The following IL17F variants were observed in gnomAD, a reference collection of about 807,000 sequenced individuals.
IL17F encodes interleukin 17F, also known as interleukin-17F.
A neutral mutation model predicts 8.3 loss-of-function variants in IL17F; 6 were observed. The ratio of observed to expected loss-of-function variants is 0.73; its 90% CI spans 0.40 to 1.43. IL17F has a LOEUF of 1.43. IL17F is among the 40% of genes most tolerant of loss of function. IL17F has a pLI of 0.02. For synonymous variants in IL17F, 98 were observed against 81.6 expected (o/e 1.20, Z -1.08); for missense variants, 204 against 209.6 (o/e 0.97, Z 0.17).
At chr6:52,245,520 G>T (rs565055316), upstream of IL17F, among the ~76,000 whole-genome samples, 3 of 152,312 alleles carry the variant, frequency 2.0e-5, no homozygotes, top group African/African-American at 7.2e-5. Flanking sequence ...CAGATGAAAA[G>T]GTACACAGGG....
intron 1 of IL17F, among the ~76,000 whole-genome samples, chr6:52,239,627 A>AT (rs1358361598): frequency 6.6e-6 from 1 of 152,158 alleles, no homozygotes; most frequent in Non-Finnish European, 1.5e-5. Flanking sequence ...CTCAAGCAGC[A>AT]TTTTTTAATT....
intron 1 of IL17F, among the ~76,000 whole-genome samples, chr6:52,240,945 G>A (rs988017106): frequency 6.6e-6 from 1 of 152,022 alleles, no homozygotes; most frequent in Non-Finnish European, 1.5e-5. Flanking sequence ...GAAGAACACT[G>A]GCAGCATATG....
rs757780544 is a variant in IL17F, at chr6:52,238,781, A to T, written c.203T>A (p.Val68Asp). The change falls in exon 2 of 3, where the codon GTT (valine) becomes GAT (aspartate). Residue 68 changes from valine to aspartate, a missense_variant. Val to Asp is a radical substitution (Grantham distance 152). Transcript: ENST00000336123. ...GCTCTCGATGTTACGTGACATGGAA[A>T]CGCGCTGGTTTTCATTGATGATGCC... is the stretch of plus-strand genomic sequence containing the variant. ...DIGIINENQRVSMSRNIESRS... is the reference protein window; with the variant it reads ...DIGIINENQRDSMSRNIESRS... The T allele has an allele frequency of 6.2e-7, 1 of 1,614,152 alleles. No homozygotes were observed. Among genetic ancestry groups the T allele is most frequent in the Non-Finnish European group, 8.5e-7 (1 of 1,180,026 alleles).
chr6:52,237,411 G>A (rs1763984637), intron 2 of IL17F, among the ~76,000 whole-genome samples: 1 of 152,142 alleles, frequency 6.6e-6, no homozygotes, highest in Non-Finnish European at 1.5e-5. Context: ...TGCAACTGTT[G>A]AGAATACTCA....
chr6:52,238,840 C>T lies in IL17F; in HGVS notation c.144G>A (p.Pro48=), dbSNP rs759760136. 17 of 1,614,054 alleles carry T rather than the reference C, an allele frequency of 1.1e-5. No homozygotes were observed. Among genetic ancestry groups the T allele is most frequent in the Admixed American group, 3.3e-5 (2 of 60,028 alleles). Residue 48 remains proline (P), a synonymous_variant, in exon 2 of 3, where the codon CCG becomes CCA. Transcript: ENST00000336123. ...HTFFQKPESC[P]PVPGGSMKLD... ...GCTTCATACTACCTCCTGGCACAGG[C>T]GGGCAACTCTCAGGCTTTTGGAAAA... is the stretch of plus-strand genomic sequence containing the variant.
At chr6:52,237,857 C>G (rs1763995327) in intron 2 of IL17F, among the ~76,000 whole-genome samples, 1 of 152,126 alleles carries the variant, frequency 6.6e-6, no homozygotes, top group African/African-American at 2.4e-5. Context: ...ACCCAAACAT[C>G]TCAGAGAGTA....
Position 52,241,402 on chromosome 6 carries a change from T to C in IL17F, c.34-2452A>G, listed in dbSNP as rs530827619. The stretch of plus-strand genomic sequence containing the variant: ...CTGCTATGACTTTTTTTTTAAAAGA[T>C]GCCAACTTATATTAGAGGGTCTTAG... On this transcript the variant is annotated intron_variant, in intron 1 of 2. Transcript: ENST00000336123. Among the ~76,000 whole-genome samples, 16 of 152,234 alleles carry C rather than the reference T, an allele frequency of 1.1e-4. No individual in the cohort carries two copies. The South Asian group carries it at 1.7e-3, about 16-fold the overall frequency.
intron 1 of IL17F, 126 bp downstream of exon 1, chr6:52,244,271 A>T: frequency 2.2e-6 from 2 of 928,732 alleles, no homozygotes; most frequent in Non-Finnish European, 3.6e-6. Flanking sequence ...AGTCAAAATT[A>T]AAGTCATCTC....
At chr6:52,238,227 G>T (rs1582260447) in intron 2 of IL17F, among the ~76,000 whole-genome samples, 1 of 152,174 alleles carries the variant, frequency 6.6e-6, no homozygotes, top group Admixed American at 6.5e-5. Context: ...GGGAGTGCTT[G>T]GTCTTCCAAG....
intron 1 of IL17F, among the ~76,000 whole-genome samples, chr6:52,240,438 GAAAAAA>G (rs34052816): frequency 5.2e-5 from 5 of 96,344 alleles, no homozygotes; most frequent in Admixed American, 1.3e-4. Context: ...CTCCTGCTTG[GAAAAAA>G]AAAAAAAAAA....
chr6:52,240,067 T>G (rs1764044248), intron 1 of IL17F, among the ~76,000 whole-genome samples: 1 of 152,158 alleles, frequency 6.6e-6, no homozygotes, highest in Non-Finnish European at 1.5e-5. Flanking sequence ...ACAACCATGC[T>G]TTGCTCACCC....
chr6:52,240,933 A>G (rs1297950492), intron 1 of IL17F, among the ~76,000 whole-genome samples: 1 of 152,112 alleles, frequency 6.6e-6, no homozygotes, highest in African/African-American at 2.4e-5. Flanking sequence ...CATATAAATT[A>G]TGAAGAACAC....
intron 2 of IL17F, 101 bp downstream of exon 2, chr6:52,238,629 C>T (rs1582260616): frequency 1.9e-6 from 2 of 1,053,806 alleles, no homozygotes; most frequent in Admixed American, 2.1e-5. Context: ...GAGGATTTTC[C>T]CTTTTATTTT....
chr6:52,244,610 GT>G (rs3215541), upstream of IL17F: 238,053 of 512,824 alleles, frequency 0.46, 45,324 homozygotes, highest in Non-Finnish European at 0.52. Context: ...GAATGCAGGG[GT>G]TTTTTTTTTT....
chr6:52,245,392 C>T (rs755796650), upstream of IL17F, among the ~76,000 whole-genome samples: 25 of 152,190 alleles, frequency 1.6e-4, no homozygotes, highest in Admixed American at 6.5e-4. Flanking sequence ...TCCCACAAAC[C>T]GCTTGAGTTT....
In IL17F at chr6:52,239,600, G is replaced by A. The variant is rs375196777; in HGVS notation, c.34-650C>T. 3.2e-4 allele frequency among the ~76,000 whole-genome samples: 48 copies of A among 152,094 alleles called. No homozygotes were observed. In the East Asian group the frequency reaches 6.0e-3, roughly 19 times the overall value. On this transcript the variant is annotated intron_variant, in intron 1 of 2. Coordinates refer to ENST00000336123, the MANE Select transcript of IL17F (RefSeq NM_052872.4). ...ATGTTTATTATCCTTAAATTATAAA[G>A]CTTTGATCATCTAGCACTCAAGCAG...
At chr6:52,240,835 G>A (rs1764060773) in intron 1 of IL17F, among the ~76,000 whole-genome samples, 1 of 151,834 alleles carries the variant, frequency 6.6e-6, no homozygotes, top group African/African-American at 2.4e-5. Flanking sequence ...CAGAAGTCCA[G>A]GGTCTGTAAC....
At chr6:52,240,066 C>T (rs1484129602) in intron 1 of IL17F, among the ~76,000 whole-genome samples, 1 of 152,208 alleles carries the variant, frequency 6.6e-6, no homozygotes, top group Non-Finnish European at 1.5e-5. Context: ...CACAACCATG[C>T]TTTGCTCACC....
intron 2 of IL17F, among the ~76,000 whole-genome samples, chr6:52,238,047 C>T (rs1272439347): frequency 6.6e-6 from 1 of 152,220 alleles, no homozygotes; most frequent in Non-Finnish European, 1.5e-5. Context: ...CTAAGCTGGA[C>T]TTGTCCAAGT....
Sources: gnomAD v4.1 joint callset for allele counts (sites outside exome capture counted in the v4.1 genomes callset) on GRCh38, gnomAD v4.1.1 for gene constraint, MANE v1.5 for transcripts, NCBI Gene and HGNC (gene_info 2026-07-23, HGNC 2026-07-21) for gene names.